The following CERCAM variants were observed in gnomAD, a reference collection of about 807,000 sequenced individuals.
The protein encoded by CERCAM is inactive glycosyltransferase 25 family member 3.
A neutral mutation model predicts 66.0 loss-of-function variants in CERCAM; 59 were observed. The ratio of observed to expected loss-of-function variants is 0.89; its 90% confidence interval spans 0.73 to 1.11. The LOEUF is 1.11. Among genes scored for constraint, CERCAM ranks in the 50% most tolerant of loss-of-function variants. The probability of loss-of-function intolerance (pLI) is 0.00; values close to 1 mark genes in which losing one functional copy is unlikely to be tolerated. For missense variants in CERCAM, 840 were observed against 828.3 expected, an observed-to-expected ratio of 1.01 and a Z score of -0.17; for synonymous variants, 318 against 343.6, an observed-to-expected ratio of 0.93 and a Z score of 0.83.
chr9:128,431,164 C>A lies in CERCAM; in HGVS notation c.1071-7C>A. On this transcript the variant is annotated splice_polypyrimidine_tract_variant and splice_region_variant and intron_variant, in intron 8 of 12. Coordinates refer to ENST00000372838, the MANE Select transcript of CERCAM (RefSeq NM_016174.5). ...ACCCCTCACCCCGCCACACCTGTGT[C>A]CCTCAGGATGCTCAACAGCAGTGCC... is the stretch of plus-strand genomic sequence containing the variant. 3 of 1,613,384 alleles carry A rather than the reference C, an allele frequency of 1.9e-6. No homozygotes were observed. The highest frequency in any genetic ancestry group is 2.5e-6 in the Non-Finnish European group (3 of 1,179,948).
Position 128,421,577 on chromosome 9 carries a change from C to T in CERCAM, c.197+503C>T, listed in dbSNP as rs7025802. 6,030 of 955,594 alleles carry T rather than the reference C, an allele frequency of 6.3e-3. 273 individuals are homozygous for T. The African/African-American group carries it at 0.098, about 15-fold the overall frequency. 59.2% of individuals were successfully genotyped at this position (955,594 alleles called of 1,614,324 possible). A position where few individuals can be genotyped will look rare whatever the true frequency, so the allele number is the denominator to read the frequency against. On this transcript the variant is annotated intron_variant, in intron 1 of 12. Transcript: ENST00000372838. Reference sequence around the variant, plus strand: ...GGAGTCAGACCGGCCCCCCCACCGCCCCCGTGCTGGGGCCAGCTCTCTTGG... The same window carrying T: ...GGAGTCAGACCGGCCCCCCCACCGCTCCCGTGCTGGGGCCAGCTCTCTTGG...
intron 8 of CERCAM, chr9:128,430,884 C>T: frequency 3.5e-6 from 1 of 285,194 alleles, no homozygotes; most frequent in Non-Finnish European, 6.5e-6. Flanking sequence ...AGCTGGGCAC[C>T]TGTAATCTCA....
At chr9:128,419,886 T>A (rs1161392077), upstream of CERCAM, 9 of 152,480 alleles carry the variant, frequency 5.9e-5, no homozygotes, top group African/African-American at 1.9e-4. Flanking sequence ...TTTTTTTCTT[T>A]TTGAGACGGA....
upstream of CERCAM, chr9:128,420,791 C>A (rs749480844): frequency 3.6e-5 from 17 of 475,850 alleles, no homozygotes; most frequent in Middle Eastern, 2.1e-3. This position sits in a 1 kb window ranked among gnomAD's most constrained non-coding sequence, Gnocchi z 5.0. Context: ...GGGTCTGCCT[C>A]GGCCCCGCCC....
At chr9:128,421,264 A>G in intron 1 of CERCAM, 190 bp downstream of exon 1, 3 of 1,231,818 alleles carry the variant, frequency 2.4e-6, no homozygotes, top group Non-Finnish European at 3.0e-6. Flanking sequence ...GAGACGACAG[A>G]CCTCTGAGGC....
Position 128,428,838 on chromosome 9 carries a change from G to A in CERCAM, c.963+5G>A. The A allele has an allele frequency of 6.2e-7, 1 of 1,613,966 alleles. No individual in the cohort carries two copies. The highest frequency in any genetic ancestry group is 8.5e-7 in the Non-Finnish European group (1 of 1,179,954). ...AGCAAGATAGGGTTTGACGAGGTAAGTCCCCCAGCCTGTGGGCTCGCTGTT... is the reference window on the plus strand; with the variant it reads ...AGCAAGATAGGGTTTGACGAGGTAAATCCCCCAGCCTGTGGGCTCGCTGTT... On this transcript the variant is annotated splice_donor_5th_base_variant and intron_variant, in intron 7 of 12. Coordinates refer to ENST00000372838, the MANE Select transcript of CERCAM (RefSeq NM_016174.5).
chr9:128,435,545 C>T (rs566286026), intron 11 of CERCAM, 108 bp from the exon 12 acceptor site: 16 of 1,235,268 alleles, frequency 1.3e-5, no homozygotes, highest in African/African-American at 3.0e-5. Context: ...GACTAGATGG[C>T]GGGGAGTGAG....
At chr9:128,420,716 G>C (rs1833686441), upstream of CERCAM, 1 of 261,200 alleles carries the variant, frequency 3.8e-6, no homozygotes, top group African/African-American at 2.3e-5. The surrounding 1 kb of genome is among the most constrained non-coding windows in gnomAD (Gnocchi z 5.0). Flanking sequence ...GAGAAAACTT[G>C]AGCATCCACG....
chr9:128,423,693 T>C (rs1036733941), intron 3 of CERCAM, among the ~76,000 whole-genome samples: 25 of 152,126 alleles, frequency 1.6e-4, no homozygotes, highest in African/African-American at 5.8e-4. Flanking sequence ...GCAGGCTATC[T>C]GGGCCAGAGC....
rs1287513829 is a variant in CERCAM at position 128,420,937 on chromosome 9, G to A, written c.60G>A (p.Leu20=). 1.4e-6 allele frequency: 2 copies of A among 1,449,944 alleles called. No homozygotes were observed. Among genetic ancestry groups the A allele is most frequent in the African/African-American group, 1.5e-5 (1 of 68,214 alleles). 89.8% of individuals were successfully genotyped at this position (1,449,944 alleles called of 1,614,324 possible). A position where few individuals can be genotyped will look rare whatever the true frequency, so the allele number is the denominator to read the frequency against. Residue 20 remains leucine (L), a synonymous_variant, in exon 1 of 13, where the codon CTG becomes CTA. Transcript: ENST00000372838. This position sits in a 1 kb window ranked among gnomAD's most constrained non-coding sequence, Gnocchi z 5.0. ...TGCTGCTCCTGCTGGGGCCGTGGCTGGAGGCTGCGGGCGTTGCGGAGTCGC... is the reference window on the plus strand; with the variant it reads ...TGCTGCTCCTGCTGGGGCCGTGGCTAGAGGCTGCGGGCGTTGCGGAGTCGC... ...LQLLLLLGPW[L]EAAGVAESPL... is the part of the protein sequence containing the mutation.
At chr9:128,433,933 C>T (rs749623958) in intron 9 of CERCAM, among the ~76,000 whole-genome samples, 169 bp from the exon 10 acceptor site, 15 of 152,210 alleles carry the variant, frequency 9.9e-5, no homozygotes, top group South Asian at 2.1e-4. Context: ...AATGCCAGAG[C>T]GAGGTTGGGA....
At chr9:128,419,258 C>G (rs1050201963), upstream of CERCAM, 20 of 152,300 alleles carry the variant, frequency 1.3e-4, no homozygotes, top group African/African-American at 4.6e-4. Context: ...GTTCAGTGCG[C>G]ACGTGCTGCC....
In CERCAM at chr9:128,424,210, G is replaced by T. The variant is rs1336936534; in HGVS notation, c.499G>T (p.Val167Leu). Reference sequence around the variant, plus strand: ...TCTCATGGGGCAGGGGCTTCCAGTGGTGGCCCCAATGCTGGACTCCCAGAC... The same window carrying T: ...TCTCATGGGGCAGGGGCTTCCAGTGTTGGCCCCAATGCTGGACTCCCAGAC... Reference protein sequence around the residue: ...RLLMGQGLPVVAPMLDSQTYY... With the variant: ...RLLMGQGLPVLAPMLDSQTYY... The change falls in exon 4 of 13, where the codon GTG (valine) becomes TTG (leucine). Residue 167 changes from valine to leucine, a missense_variant. By Grantham distance (32) the Val-to-Leu change is conservative (BLOSUM62 1). Transcript: ENST00000372838. 7 of 1,614,120 alleles carry T rather than the reference G, an allele frequency of 4.3e-6. No homozygotes were observed. The highest frequency in any genetic ancestry group is 3.3e-4 in the Middle Eastern group (2 of 6,062).
chr9:128,421,705 AG>A (rs1833713841), intron 1 of CERCAM: 1 of 182,104 alleles, frequency 5.5e-6, no homozygotes, highest in Non-Finnish European at 1.0e-5. Flanking sequence ...CTGGGATCGA[AG>A]GCCACAACCC....
At chr9:128,421,603 T>TAGATCTTGGC (rs1833711172) in intron 1 of CERCAM, 1 of 859,202 alleles carries the variant, frequency 1.2e-6, no homozygotes, top group African/African-American at 1.8e-5. Flanking sequence ...GCTCTCTTGG[T>TAGATCTTGGC]AGATCTTGGT....
chr9:128,421,474 T>G (rs1006834862), intron 1 of CERCAM: 1 of 996,740 alleles, frequency 1.0e-6, no homozygotes, highest in Non-Finnish European at 1.2e-6. Flanking sequence ...GGGCCCAACG[T>G]GGCAGGGATC....
chr9:128,431,430 C>G, intron 9 of CERCAM, 127 bp downstream of exon 9: 1 of 1,292,130 alleles, frequency 7.7e-7, no homozygotes. Context: ...AGCTTTCAAT[C>G]TCCTCTGTGT....
At chr9:128,420,403 G>A (rs1833678768), upstream of CERCAM, 1 of 152,262 alleles carries the variant, frequency 6.6e-6, no homozygotes, top group Non-Finnish European at 1.5e-5. The surrounding 1 kb of genome is among the most constrained non-coding windows in gnomAD (Gnocchi z 5.0). Context: ...GGGAGCCGGG[G>A]AAGCCCGGGA....
chr9:128,420,998 A>G lies in CERCAM; in HGVS notation c.121A>G (p.Asn41Asp). Residue 41 changes from asparagine to aspartate, a missense_variant, in exon 1 of 13, where the codon AAT (asparagine) becomes GAT (aspartate). By Grantham distance (23) the Asn-to-Asp change is conservative (BLOSUM62 1). Coordinates refer to ENST00000372838, the MANE Select transcript of CERCAM (RefSeq NM_016174.5). This position sits in a 1 kb window ranked among gnomAD's most constrained non-coding sequence, Gnocchi z 5.0. ...PAVVLAILAR[N>D]AEHSLPHYLG... is the part of the protein sequence containing the mutation. ...CGTGGTCCTTGCCATCCTGGCCCGCAATGCCGAACACTCGCTGCCCCACTA... is the reference window on the plus strand; with the variant it reads ...CGTGGTCCTTGCCATCCTGGCCCGCGATGCCGAACACTCGCTGCCCCACTA... The G allele has an allele frequency of 6.8e-7, 1 of 1,464,826 alleles. No homozygotes were observed. The highest frequency in any genetic ancestry group is 3.0e-5 in the East Asian group (1 of 33,482). The allele number at this position is 1,464,826 out of a possible 1,614,324, so 90.7% of individuals were successfully genotyped here. A position where few individuals can be genotyped will look rare whatever the true frequency, so the allele number is the denominator to read the frequency against.
Sources: allele counts gnomAD v4.1 joint callset (sites outside exome capture counted in the v4.1 genomes callset), GRCh38; gene constraint gnomAD v4.1.1; non-coding constraint Gnocchi (gnomAD v3.1); transcripts MANE v1.5; gene names NCBI Gene and HGNC (gene_info 2026-07-23, HGNC 2026-07-21).